STRBP: variants seen among roughly 807,000 people sequenced by gnomAD.
STRBP encodes the protein spermatid perinuclear RNA binding protein, also known as spermatid perinuclear RNA-binding protein.
Under a neutral mutation model 80.1 loss-of-function variants are expected in STRBP, and 13 were observed. That is an observed-to-expected ratio of 0.16 (90% confidence interval 0.11 to 0.26). The LOEUF is 0.26. Among genes scored for constraint, STRBP ranks in the 10% least tolerant of loss-of-function variants. The pLI is 1.00. For missense variants in STRBP, 485 were observed against 815.2 expected, an observed-to-expected ratio of 0.59 and a Z score of 4.93; for synonymous variants, 284 against 291.2, an observed-to-expected ratio of 0.98 and a Z score of 0.25.
chr9:123,153,087 A>G (rs1461933776), intron 11 of STRBP, among the ~76,000 whole-genome samples: 2 of 152,184 alleles, frequency 1.3e-5, no homozygotes, highest in African/African-American at 2.4e-5. Flanking sequence ...GGGCAAGAAC[A>G]GAAGCAAAAA....
Position 123,126,523 on chromosome 9 carries a change from T to C in STRBP, c.1943-850A>G, listed in dbSNP as rs1252392339. On this transcript the variant is annotated intron_variant, in intron 18 of 18. Transcript: ENST00000348403. The surrounding 1 kb of genome is among the most constrained non-coding windows in gnomAD (Gnocchi z 4.4). The stretch of plus-strand genomic sequence containing the variant: ...CACGTGGAAGAGAGGAGCTTTCTGA[T>C]GTGGGGGCTCAGAGGGCACAGGGTG... Among the ~76,000 whole-genome samples the C allele has an allele frequency of 2.0e-5, 3 of 151,956 alleles. No homozygotes were observed. The highest frequency in any genetic ancestry group is 2.0e-4 in the Admixed American group (3 of 15,260).
intron 2 of STRBP, among the ~76,000 whole-genome samples, chr9:123,220,544 A>G (rs1333475680): frequency 6.6e-6 from 1 of 152,234 alleles, no homozygotes; most frequent in Non-Finnish European, 1.5e-5. Context: ...GTGGGCTTAA[A>G]TGTATACAAT....
At chr9:123,163,621 C>T (rs558807789) in intron 6 of STRBP, among the ~76,000 whole-genome samples, 10 of 152,166 alleles carry the variant, frequency 6.6e-5, no homozygotes, top group African/African-American at 2.4e-4. Context: ...TTTCAAAGTT[C>T]TTAATATTAA....
intron 1 of STRBP, among the ~76,000 whole-genome samples, chr9:123,260,030 GA>G (rs2041126800): frequency 6.6e-6 from 1 of 152,124 alleles, no homozygotes; most frequent in African/African-American, 2.4e-5. Context: ...ATGAACAGAA[GA>G]AACTTTTTCA....
chr9:123,238,243 T>G (rs2040612344), intron 1 of STRBP, among the ~76,000 whole-genome samples: 2 of 152,208 alleles, frequency 1.3e-5, no homozygotes, highest in African/African-American at 4.8e-5. Context: ...ACGCCAGGAA[T>G]TCAAGACCAG....
At chr9:123,129,584 T>C (rs1432096030) in intron 17 of STRBP, among the ~76,000 whole-genome samples, 6 of 152,128 alleles carry the variant, frequency 3.9e-5, no homozygotes, top group African/African-American at 1.4e-4. Context: ...CAGGATCAAT[T>C]ATCACCTCCC....
chr9:123,236,409 T>G lies in STRBP; in HGVS notation c.-165+421A>C, dbSNP rs542327543. The stretch of plus-strand genomic sequence containing the variant: ...TTTTTAAAGAGAGTAAAATCTCTGC[T>G]ACCCGGTATTACATAAACTGACATA... On this transcript the variant is annotated intron_variant, in intron 2 of 18. Transcript: ENST00000348403. 2.0e-5 allele frequency among the ~76,000 whole-genome samples: 3 copies of G among 152,308 alleles called. No homozygotes were observed. In the East Asian group the frequency reaches 5.8e-4, roughly 29 times the overall value.
chr9:123,267,504 C>A (rs2041295829), intron 1 of STRBP, among the ~76,000 whole-genome samples: 1 of 151,802 alleles, frequency 6.6e-6, no homozygotes, highest in African/African-American at 2.4e-5. Flanking sequence ...AACCCCCTCC[C>A]GCCTCCCTGC....
Position 123,125,409 on chromosome 9 carries a change from TC to T in STRBP, c.*187del. ...AGGTACCGTTTTCACAGAACTGGTTTCTTTTTTTTTTTTCAAGTTTTAGAGA... is the reference window on the plus strand; with the variant it reads ...AGGTACCGTTTTCACAGAACTGGTTTTTTTTTTTTTTTCAAGTTTTAGAGA... On this transcript the variant is annotated 3_prime_UTR_variant, in exon 19 of 19. Coordinates refer to ENST00000348403, the MANE Select transcript of STRBP (RefSeq NM_018387.5). 2.5e-6 allele frequency: 3 copies of T among 1,208,322 alleles called. No homozygotes were observed. Among genetic ancestry groups the T allele is most frequent in the South Asian group, 6.9e-5 (2 of 29,040 alleles). The allele number at this position is 1,208,322 out of a possible 1,614,324, so 74.9% of individuals were successfully genotyped here. A position where few individuals can be genotyped will look rare whatever the true frequency, so the allele number is the denominator to read the frequency against.
chr9:123,249,952 A>G (rs1340249228), intron 1 of STRBP, among the ~76,000 whole-genome samples: 1 of 152,262 alleles, frequency 6.6e-6, no homozygotes, highest in Non-Finnish European at 1.5e-5. Context: ...AGATAATTCA[A>G]TGAATCAATA....
At position 123,160,393 on chromosome 9, in the gene STRBP, G is replaced by A; in HGVS notation, c.697C>T (p.Pro233Ser). Residue 233 changes from proline (P) to serine (S), a missense_variant, in exon 8 of 19, where the codon CCC becomes TCC. By Grantham distance (74) the Pro-to-Ser change is moderately conservative. Transcript: ENST00000348403. ...CATCCTTTCAATGGTGCCCATGTGG[G>A]GACTCTGTTGCACAAATCACGCAGA... ...RILRDLCNRV[P>S]TWAPLKGWPL... 6.2e-7 allele frequency: 1 copy of A among 1,600,370 alleles called. No individual in the cohort carries two copies. Among genetic ancestry groups the A allele is most frequent in the Non-Finnish European group, 8.5e-7 (1 of 1,170,458 alleles).
chr9:123,158,070 G>T lies in STRBP; in HGVS notation c.987C>A (p.Asp329Glu). Residue 329 changes from aspartate (D) to glutamate (E), a missense_variant, in exon 11 of 19, where the codon GAC becomes GAA. By Grantham distance (45) the Asp-to-Glu change is conservative. This residue lies in a region of STRBP where 377 missense variants were observed against 616.1 expected (regional missense o/e 0.61). Transcript: ENST00000348403. ...FGQIYKVLEM[D>E]PLPSSKPFQK... The stretch of plus-strand genomic sequence containing the variant: ...GAAAAGGCTTACTAGATGGAAGGGG[G>T]TCCATCTCCAGCACTTTGTAAATCT... The T allele has an allele frequency of 6.2e-7, 1 of 1,609,588 alleles. No individual in the cohort carries two copies. The highest frequency in any genetic ancestry group is 1.4e-5 in the African/African-American group (1 of 73,664).
At chr9:123,146,787 T>C in intron 13 of STRBP, 68 bp downstream of exon 13, 1 of 1,305,518 alleles carries the variant, frequency 7.7e-7, no homozygotes, top group Non-Finnish European at 1.0e-6. Flanking sequence ...TAATTTATTA[T>C]AGGAAAATAA....
chr9:123,264,241 G>A (rs1473063029), intron 1 of STRBP, among the ~76,000 whole-genome samples: 1 of 152,210 alleles, frequency 6.6e-6, no homozygotes, highest in South Asian at 2.1e-4. Flanking sequence ...GGAAATTCCT[G>A]CTTAGAAACA....
chr9:123,154,953 A>T (rs2037217111), intron 11 of STRBP, among the ~76,000 whole-genome samples: 1 of 152,212 alleles, frequency 6.6e-6, no homozygotes, highest in South Asian at 2.1e-4. Context: ...GCAGGTTTTT[A>T]CGCTGATGAG....
Position 123,125,534 on chromosome 9 carries a change from T to C in STRBP, c.*63A>G. 1 of 1,451,528 alleles carries C rather than the reference T, an allele frequency of 6.9e-7. No individual in the cohort carries two copies. The highest frequency in any genetic ancestry group is 2.4e-5 in the Admixed American group (1 of 42,462). 89.9% of individuals were successfully genotyped at this position (1,451,528 alleles called of 1,614,324 possible). Reference sequence around the variant, plus strand: ...TCAAAGAAAGCAGGATAAAAAGGCTTTTTCTCTAACATTCTGTGTTGTACT... The same window carrying C: ...TCAAAGAAAGCAGGATAAAAAGGCTCTTTCTCTAACATTCTGTGTTGTACT... On this transcript the variant is annotated 3_prime_UTR_variant, in exon 19 of 19. Coordinates refer to ENST00000348403, the MANE Select transcript of STRBP (RefSeq NM_018387.5).
chr9:123,177,673 G>A (rs1189411548), intron 4 of STRBP, among the ~76,000 whole-genome samples: 1 of 152,144 alleles, frequency 6.6e-6, no homozygotes, highest in Non-Finnish European at 1.5e-5. Flanking sequence ...CAAGTCTATA[G>A]GAGTGCTTTC....
chr9:123,181,477 G>T (rs2038455762), intron 3 of STRBP, among the ~76,000 whole-genome samples: 1 of 152,132 alleles, frequency 6.6e-6, no homozygotes, highest in Non-Finnish European at 1.5e-5. Context: ...ACATTCTACT[G>T]GATGTGACAG....
chr9:123,137,898 T>A (rs1174580998), intron 14 of STRBP, among the ~76,000 whole-genome samples: 1 of 152,198 alleles, frequency 6.6e-6, no homozygotes, highest in African/African-American at 2.4e-5. Context: ...TAATCTGCAT[T>A]TTTTGAATTT....
Sources: gnomAD v4.1 joint callset for allele counts (sites outside exome capture counted in the v4.1 genomes callset) on GRCh38, gnomAD v4.1.1 for gene constraint, gnomAD v4.1.1 regional missense constraint, Gnocchi (gnomAD v3.1) non-coding constraint, MANE v1.5 for transcripts, NCBI Gene and HGNC (gene_info 2026-07-23, HGNC 2026-07-21) for gene names.